Variants in AP1B1 observed in about 807,000 individuals in gnomAD.
The protein encoded by AP1B1 is adaptor related protein complex 1 subunit beta 1, also known as AP-1 complex subunit beta-1.
In AP1B1, 36 loss-of-function variants were observed where a neutral mutation model predicts 104.3. The ratio of observed to expected loss-of-function variants is 0.35; its 90% confidence interval spans 0.26 to 0.46. The LOEUF is 0.46. Among genes scored for constraint, AP1B1 ranks in the 20% least tolerant of loss-of-function variants. The pLI is 1.00. For missense variants in AP1B1, 901 were observed against 1,247.9 expected (o/e 0.72, Z 4.19); for synonymous variants, 504 against 517.5 (o/e 0.97, Z 0.35).
At chr22:29,340,982 C>T (rs1044519231) in intron 13 of AP1B1, 125 bp from the exon 14 acceptor site, 2 of 939,780 alleles carry the variant, frequency 2.1e-6, no homozygotes, top group South Asian at 1.7e-5. Flanking sequence ...CCCGACAGGG[C>T]TGTCCACACG....
chr22:29,329,408 G>A (rs2061523374), intron 22 of AP1B1: 2 of 1,288,662 alleles, frequency 1.6e-6, no homozygotes, highest in Admixed American at 7.6e-5. Flanking sequence ...GGAGAGAGGA[G>A]CCCCCACCCA....
chr22:29,356,557 G>A lies in AP1B1; in HGVS notation c.585C>T (p.Asn195=), dbSNP rs1486361329. ...TGGACTGTGGGTTCAGATCGAGCAG[G>A]TTGCTGCTGGGGTGAGACTCGGCAA... is the stretch of plus-strand genomic sequence containing the variant. ...SEIAESHPSS[N]LLDLNPQSIN... The change falls in exon 6 of 23, where the codon AAC becomes AAT. Residue 195 remains asparagine (N), a synonymous_variant. Coordinates refer to ENST00000357586, the MANE Select transcript of AP1B1 (RefSeq NM_001127.4). 6.2e-7 allele frequency: 1 copy of A among 1,614,206 alleles called. No homozygotes were observed. Among genetic ancestry groups the A allele is most frequent in the Non-Finnish European group, 8.5e-7 (1 of 1,180,032 alleles).
In AP1B1 at chr22:29,359,825, TTCACAAAGGTGTTGACG is replaced by T. The variant is rs2062016131; in HGVS notation, c.261_277del (p.Val88GlyfsTer3). The T allele has an allele frequency of 6.2e-7, 1 of 1,612,630 alleles. No homozygotes were observed. Among genetic ancestry groups the T allele is most frequent in the African/African-American group, 1.3e-5 (1 of 74,910 alleles). On this transcript the variant is annotated frameshift_variant and splice_region_variant, in exon 4 of 23. Coordinates refer to ENST00000357586, the MANE Select transcript of AP1B1 (RefSeq NM_001127.4). LOFTEE classifies it high-confidence loss of function. ...CACGCCCACCAAGCGTCTGCTCACC[TTCACAAAGGTGTTGACG>T]GCCATAATGGCCATGTCAGGCTGAC...
intron 8 of AP1B1, 129 bp from the exon 9 acceptor site, chr22:29,351,395 C>A (rs770426630): frequency 3.6e-6 from 4 of 1,126,148 alleles, no homozygotes; most frequent in Non-Finnish European, 5.3e-6. Flanking sequence ...AGGTAGAAGG[C>A]CCAAGGGAGA....
chr22:29,339,490 G>C (rs1050503343), intron 15 of AP1B1, among the ~76,000 whole-genome samples: 1 of 152,086 alleles, frequency 6.6e-6, no homozygotes, highest in African/African-American at 2.4e-5. Context: ...AAGGGTTGTG[G>C]GACTGAGGGC....
intron 11 of AP1B1, 115 bp from the exon 12 acceptor site, chr22:29,342,498 CTA>C (rs2061729708): frequency 1.2e-6 from 1 of 828,584 alleles, no homozygotes; most frequent in South Asian, 1.6e-5. Context: ...CCAAGCATAG[CTA>C]TTCTAGGTTT....
chr22:29,370,358 C>T (rs2062212976), intron 1 of AP1B1, among the ~76,000 whole-genome samples: 1 of 147,730 alleles, frequency 6.8e-6, no homozygotes, highest in Admixed American at 6.9e-5. Context: ...GAGGCTGAGG[C>T]AAGAGAATTG....
chr22:29,387,875 T>C (rs756604439), intron 1 of AP1B1, among the ~76,000 whole-genome samples: 1 of 152,224 alleles, frequency 6.6e-6, no homozygotes. Flanking sequence ...AGGGACTCGA[T>C]AGCCACTAGC....
chr22:29,340,037 G>T (rs1379618724), intron 14 of AP1B1, among the ~76,000 whole-genome samples: 1 of 152,066 alleles, frequency 6.6e-6, no homozygotes, highest in Non-Finnish European at 1.5e-5. Flanking sequence ...GATCACCAGT[G>T]TCCTGCCCCC....
chr22:29,329,037 T>A (rs955453045), intron 22 of AP1B1, 142 bp from the exon 23 acceptor site: 6 of 1,459,452 alleles, frequency 4.1e-6, no homozygotes, highest in Admixed American at 4.7e-5. Context: ...CTGGCACAGA[T>A]GTGAGGTAAA....
chr22:29,351,970 C>T (rs569052804), intron 7 of AP1B1, 145 bp from the exon 8 acceptor site: 3 of 1,148,972 alleles, frequency 2.6e-6, no homozygotes, highest in Admixed American at 4.9e-5. Flanking sequence ...TGGCTGCAAG[C>T]TCCTGGGTAG....
At chr22:29,336,377 A>G (rs1321205382) in intron 16 of AP1B1, among the ~76,000 whole-genome samples, 1 of 152,162 alleles carries the variant, frequency 6.6e-6, no homozygotes, top group African/African-American at 2.4e-5. Context: ...CGTGGCAGAA[A>G]AACTCCTCCT....
rs917138306 is a variant in AP1B1, at chr22:29,328,742, C to T, written c.*79G>A. On this transcript the variant is annotated 3_prime_UTR_variant, in exon 23 of 23. Coordinates refer to ENST00000357586, the MANE Select transcript of AP1B1 (RefSeq NM_001127.4). The surrounding 1 kb of genome is among the most constrained non-coding windows in gnomAD (Gnocchi z 4.1). ...CTGGAGCCCCGCCTGGTCCCTCCTG[C>T]GAGGAGGAAGATGTGCTGCCCCCGA... The T allele has an allele frequency of 1.3e-5, 19 of 1,510,286 alleles. No homozygotes were observed. Among genetic ancestry groups the T allele is most frequent in the South Asian group, 2.4e-5 (2 of 82,840 alleles). 93.6% of individuals were successfully genotyped at this position (1,510,286 alleles called of 1,614,324 possible).
intron 1 of AP1B1, among the ~76,000 whole-genome samples, chr22:29,383,222 T>A (rs2062465141): frequency 6.6e-6 from 1 of 152,102 alleles, no homozygotes; most frequent in African/African-American, 2.4e-5. Context: ...TACTCGGAGA[T>A]CGGGCAATGA....
intron 1 of AP1B1, among the ~76,000 whole-genome samples, chr22:29,374,827 T>C (rs2062307589): frequency 6.6e-6 from 1 of 152,208 alleles, no homozygotes; most frequent in South Asian, 2.1e-4. Context: ...TCCTTTCTAA[T>C]AGCAAAATAC....
chr22:29,346,875 T>A (rs2061802061), intron 11 of AP1B1, among the ~76,000 whole-genome samples: 1 of 152,150 alleles, frequency 6.6e-6, no homozygotes, highest in Admixed American at 6.5e-5. Context: ...ATCTATTCTG[T>A]CTTCTGGGAA....
chr22:29,334,916 C>T (rs929512947), intron 16 of AP1B1, among the ~76,000 whole-genome samples: 1 of 152,248 alleles, frequency 6.6e-6, no homozygotes, highest in African/African-American at 2.4e-5. Context: ...TGACCAAGGA[C>T]AGTACCTAAG....
rs536863223 is a variant in AP1B1, at chr22:29,349,925, G to A, written c.1271+110C>T. 3.3e-5 allele frequency: 29 copies of A among 876,910 alleles called. No homozygotes were observed. In the South Asian group the frequency reaches 4.0e-4, roughly 12 times the overall value. The allele number at this position is 876,910 out of a possible 1,614,324, so 54.3% of individuals were successfully genotyped here. On this transcript the variant is annotated intron_variant, in intron 10 of 22. Coordinates refer to ENST00000357586, the MANE Select transcript of AP1B1 (RefSeq NM_001127.4). ...ACAAAGGGTTTCTTTTGAGAATGAC[G>A]CTTGTGGCCAAGAAGTAAGGAAGAG...
At chr22:29,364,766 C>T (rs772036018) in intron 2 of AP1B1, among the ~76,000 whole-genome samples, 7 of 150,262 alleles carry the variant, frequency 4.7e-5, no homozygotes, top group African/African-American at 9.8e-5. Flanking sequence ...TGGAGTGCAG[C>T]GGTGCGATCT....
Sources: gnomAD v4.1 joint callset for allele counts (sites outside exome capture counted in the v4.1 genomes callset) on GRCh38, gnomAD v4.1.1 for gene constraint, Gnocchi (gnomAD v3.1) non-coding constraint, MANE v1.5 for transcripts, NCBI Gene and HGNC (gene_info 2026-07-23, HGNC 2026-07-21) for gene names.